SDK1: variants seen among roughly 807,000 people sequenced by gnomAD.
The protein encoded by SDK1 is protein sidekick-1.
SDK1 carries 157 observed loss-of-function variants against 245.5 expected under a neutral mutation model. That is an observed-to-expected ratio of 0.64 (90% CI 0.56 to 0.73). The LOEUF (loss-of-function observed/expected upper bound fraction) is 0.73, where lower values mean the gene tolerates loss of function less well. Among genes scored for constraint, SDK1 ranks in the 30% least tolerant of loss-of-function variants. The pLI is 0.00. For synonymous variants in SDK1, 1,647 were observed against 1,278.5 expected, an observed-to-expected ratio of 1.29 and a Z score of -6.15; for missense variants, 3,583 against 3,002.3, an observed-to-expected ratio of 1.19 and a Z score of -4.52.
chr7:3,907,753 C>T (rs1177567343), intron 5 of SDK1, among the ~76,000 whole-genome samples: 4 of 152,170 alleles, frequency 2.6e-5, no homozygotes, highest in African/African-American at 9.7e-5. Flanking sequence ...CTTACATCAT[C>T]CCTCATCTGT....
At chr7:3,394,643 G>A (rs11971511) in intron 1 of SDK1, among the ~76,000 whole-genome samples, 44,652 of 151,638 alleles carry the variant, frequency 0.29, 9,522 homozygotes, top group African/African-American at 0.6. Context: ...TGAGTCTTTC[G>A]ATCCATAAAT....
intron 27 of SDK1, chr7:4,130,549 T>G: frequency 6.3e-6 from 1 of 158,158 alleles, no homozygotes; most frequent in Non-Finnish European, 1.4e-5. Flanking sequence ...CATGCCTTAC[T>G]TCCCTCGGTA....
intron 12 of SDK1, among the ~76,000 whole-genome samples, chr7:3,973,789 C>G (rs1782673391): frequency 6.6e-6 from 1 of 152,106 alleles, no homozygotes. Flanking sequence ...TTTCATTGCC[C>G]TGTTTGTAAC....
chr7:3,864,856 C>G (rs181417958), intron 5 of SDK1, among the ~76,000 whole-genome samples: 94 of 152,272 alleles, frequency 6.2e-4, no homozygotes, highest in Admixed American at 4.4e-3. Flanking sequence ...ATCACTAATA[C>G]CAGTAGTGAC....
chr7:3,401,012 T>C (rs1006062192), intron 1 of SDK1, among the ~76,000 whole-genome samples: 1 of 152,134 alleles, frequency 6.6e-6, no homozygotes, highest in South Asian at 2.1e-4. Flanking sequence ...CAGTTCGAGA[T>C]GAGTAGTCAT....
chr7:3,968,143 A>T (rs767223947), intron 10 of SDK1, among the ~76,000 whole-genome samples: 3 of 152,216 alleles, frequency 2.0e-5, no homozygotes, highest in South Asian at 2.1e-4. Flanking sequence ...GACATTCAGA[A>T]TTAAGGATCA....
chr7:3,963,469 C>T (rs1470439811), intron 9 of SDK1, among the ~76,000 whole-genome samples: 1 of 64,580 alleles, frequency 1.5e-5, no homozygotes, highest in East Asian at 3.1e-4. Context: ...CTGACCTGGA[C>T]GTATCCAGTG....
At chr7:3,977,464 C>T (rs370582426) in intron 13 of SDK1, among the ~76,000 whole-genome samples, 1 of 152,216 alleles carries the variant, frequency 6.6e-6, no homozygotes, top group East Asian at 1.9e-4. Flanking sequence ...ATGGGGCAGC[C>T]AGGTTTCCCC....
chr7:3,570,998 T>C (rs531460294), intron 1 of SDK1, among the ~76,000 whole-genome samples: 16 of 152,208 alleles, frequency 1.1e-4, no homozygotes, highest in African/African-American at 3.6e-4. Context: ...ACGTTTGTTT[T>C]ACATTTTCTC....
rs143785314 is a variant in SDK1 at position 3,372,917 on chromosome 7, T to G, written c.298+71033T>G. Reference sequence around the variant, plus strand: ...TCTTATATTCCCAATTTTAAAATACTTTATACAAGACATAGGAAAAGAAAA... The same window carrying G: ...TCTTATATTCCCAATTTTAAAATACGTTATACAAGACATAGGAAAAGAAAA... On this transcript the variant is annotated intron_variant, in intron 1 of 44. Coordinates refer to ENST00000404826, the MANE Select transcript of SDK1 (RefSeq NM_152744.4). Among the ~76,000 whole-genome samples, 713 of 152,320 alleles carry G rather than the reference T, an allele frequency of 4.7e-3. 10 individuals are homozygous for G. Among genetic ancestry groups the G allele is most frequent in the African/African-American group, 0.016 (670 of 41,566 alleles).
At chr7:3,745,540 GT>G in intron 4 of SDK1, among the ~76,000 whole-genome samples, 1 of 133,330 alleles carries the variant, frequency 7.5e-6, no homozygotes, top group South Asian at 2.1e-4. Context: ...ATTTGCATGT[GT>G]GTGTGTGTGT....
chr7:3,666,575 C>T (rs1289690865), intron 4 of SDK1, among the ~76,000 whole-genome samples: 1 of 152,196 alleles, frequency 6.6e-6, no homozygotes, highest in Admixed American at 6.5e-5. Context: ...GCTGCCATGG[C>T]TTGGGCCTTG....
chr7:3,811,906 T>G (rs1303603603), intron 4 of SDK1, among the ~76,000 whole-genome samples: 2 of 152,236 alleles, frequency 1.3e-5, no homozygotes, highest in Non-Finnish European at 2.9e-5. Context: ...AAGCTATCAC[T>G]AGGGAAACAG....
At chr7:4,250,743 G>A (rs1267802765) in intron 44 of SDK1, among the ~76,000 whole-genome samples, 10 of 152,148 alleles carry the variant, frequency 6.6e-5, no homozygotes, top group Non-Finnish European at 7.4e-5. Flanking sequence ...GTCCCTCCTA[G>A]TCCCCAACCC....
chr7:4,089,516 A>C (rs553497705), intron 22 of SDK1, among the ~76,000 whole-genome samples: 2 of 152,152 alleles, frequency 1.3e-5, no homozygotes, highest in Non-Finnish European at 2.9e-5. Flanking sequence ...CCAGGGAAGA[A>C]TGAACGGGGC....
rs527356259 is a variant in SDK1, at chr7:4,216,393, G to A, written c.5540-3716G>A. On this transcript the variant is annotated intron_variant, in intron 38 of 44. Coordinates refer to ENST00000404826, the MANE Select transcript of SDK1 (RefSeq NM_152744.4). Reference sequence around the variant, plus strand: ...TCTCACCCGGAGGGGCTGCACTCCCGTCTGCTCCTCCCCGAGGCCCCTAGG... The same window carrying A: ...TCTCACCCGGAGGGGCTGCACTCCCATCTGCTCCTCCCCGAGGCCCCTAGG... 1.5e-4 allele frequency among the ~76,000 whole-genome samples: 23 copies of A among 152,254 alleles called. 1 individual carries two copies. Among genetic ancestry groups the A allele is most frequent in the African/African-American group, 3.8e-4 (16 of 41,562 alleles).
intron 1 of SDK1, among the ~76,000 whole-genome samples, chr7:3,539,279 C>G (rs941989890): frequency 6.6e-6 from 1 of 152,032 alleles, no homozygotes; most frequent in African/African-American, 2.4e-5. Flanking sequence ...TTTAGCAATT[C>G]CTTCAAAACT....
chr7:3,560,164 T>A (rs1199504958), intron 1 of SDK1, among the ~76,000 whole-genome samples: 1 of 152,228 alleles, frequency 6.6e-6, no homozygotes, highest in Non-Finnish European at 1.5e-5. Context: ...TTACTTATCA[T>A]AAAATATTAT....
At chr7:3,784,631 A>G (rs1023612823) in intron 4 of SDK1, among the ~76,000 whole-genome samples, 3 of 152,228 alleles carry the variant, frequency 2.0e-5, no homozygotes, top group Non-Finnish European at 4.4e-5. Context: ...AGAAATCACT[A>G]AGGAAATGCA....
Sources: allele counts gnomAD v4.1 joint callset (sites outside exome capture counted in the v4.1 genomes callset), GRCh38; gene constraint gnomAD v4.1.1; transcripts MANE v1.5; gene names NCBI Gene and HGNC (gene_info 2026-07-23, HGNC 2026-07-21).